Variants in ITPR2 observed in about 807,000 individuals in gnomAD.
ITPR2 encodes inositol 1,4,5-trisphosphate-gated calcium channel ITPR2.
ITPR2 carries 207 observed loss-of-function variants against 317.1 expected under a neutral mutation model. The ratio of observed to expected loss-of-function variants is 0.65; its 90% confidence interval spans 0.58 to 0.73. ITPR2 has a LOEUF of 0.73. Among genes scored for constraint, ITPR2 ranks in the 30% least tolerant of loss-of-function variants. The probability of loss-of-function intolerance (pLI) is 0.00; values close to 1 mark genes in which losing one functional copy is unlikely to be tolerated. For missense variants in ITPR2, 2,613 were observed against 3,284.0 expected (o/e 0.80, Z 4.99); for synonymous variants, 1,156 against 1,149.1 (o/e 1.01, Z -0.12).
At chr12:26,637,583 A>T (rs1946890951) in intron 21 of ITPR2, among the ~76,000 whole-genome samples, 2 of 152,174 alleles carry the variant, frequency 1.3e-5, no homozygotes, top group African/African-American at 4.8e-5. Flanking sequence ...ATTATATAAT[A>T]TGTGCAAAAA....
chr12:26,778,004 T>G (rs1019557469), intron 2 of ITPR2, among the ~76,000 whole-genome samples: 1 of 152,202 alleles, frequency 6.6e-6, no homozygotes, highest in Non-Finnish European at 1.5e-5. Context: ...TAAGGGCTTA[T>G]GGAGGTCAGG....
intron 52 of ITPR2, among the ~76,000 whole-genome samples, chr12:26,406,801 T>A (rs1322833621): frequency 6.6e-6 from 1 of 152,172 alleles, no homozygotes; most frequent in East Asian, 1.9e-4. Context: ...GCAGTCAAAA[T>A]TTAAAAGTGC....
At chr12:26,773,166 C>G (rs191835739) in intron 2 of ITPR2, among the ~76,000 whole-genome samples, 3 of 152,298 alleles carry the variant, frequency 2.0e-5, no homozygotes, top group Admixed American at 2.0e-4. Context: ...GTGATTTGAG[C>G]ATGCTGCTTC....
At chr12:26,609,784 A>G (rs1232324147) in intron 26 of ITPR2, among the ~76,000 whole-genome samples, 1 of 152,238 alleles carries the variant, frequency 6.6e-6, no homozygotes, top group East Asian at 1.9e-4. Flanking sequence ...CACATTCTGG[A>G]AGTATAATTG....
rs772334181 is a variant in ITPR2, at chr12:26,339,392, T to C, written c.*5A>G. On this transcript the variant is annotated 3_prime_UTR_variant, in exon 57 of 57. Coordinates refer to ENST00000381340, the MANE Select transcript of ITPR2 (RefSeq NM_002223.4). Reference sequence around the variant, plus strand: ...AAAGGCTAGTCACGGCTTCCCCCCATGGTATCAGTGTGGTGGCATGTGATG... The same window carrying C: ...AAAGGCTAGTCACGGCTTCCCCCCACGGTATCAGTGTGGTGGCATGTGATG... The C allele has an allele frequency of 1.9e-6, 3 of 1,611,518 alleles. No homozygotes were observed. Among genetic ancestry groups the C allele is most frequent in the Admixed American group, 1.7e-5 (1 of 59,978 alleles).
At chr12:26,686,401 A>G (rs897452147) in intron 11 of ITPR2, 80 bp downstream of exon 11, 33 of 883,824 alleles carry the variant, frequency 3.7e-5, no homozygotes, top group Admixed American at 1.3e-4. Context: ...TCATAAAAAT[A>G]TATTAATATT....
chr12:26,650,827 G>A lies in ITPR2; in HGVS notation c.2740+3149C>T, dbSNP rs1050013963. The stretch of plus-strand genomic sequence containing the variant: ...GTCTCACTAGTGAGATTCAGGCAGC[G>A]GAATTAATATAGACCCCTGCATGTC... On this transcript the variant is annotated intron_variant, in intron 21 of 56. Coordinates refer to ENST00000381340, the MANE Select transcript of ITPR2 (RefSeq NM_002223.4). 9.2e-5 allele frequency among the ~76,000 whole-genome samples: 14 copies of A among 152,100 alleles called. No homozygotes were observed. The East Asian group carries it at 9.6e-4, about 10-fold the overall frequency.
chr12:26,543,906 C>T lies in ITPR2; in HGVS notation c.5073+6341G>A, dbSNP rs936241769. ...GCCTGCTGTTGTTACGTTTAAAAAGCCTTCTAAATATGCCAACCCCAAAGG... is the reference window on the plus strand; with the variant it reads ...GCCTGCTGTTGTTACGTTTAAAAAGTCTTCTAAATATGCCAACCCCAAAGG... On this transcript the variant is annotated intron_variant, in intron 37 of 56. Coordinates refer to ENST00000381340, the MANE Select transcript of ITPR2 (RefSeq NM_002223.4). Among the ~76,000 whole-genome samples, 17 of 152,198 alleles carry T rather than the reference C, an allele frequency of 1.1e-4. 1 individual carries two copies. The highest frequency in any genetic ancestry group is 1.1e-3 in the Admixed American group (17 of 15,290).
At chr12:26,624,150 A>T (rs897033319) in intron 24 of ITPR2, 149 bp downstream of exon 24, 2 of 576,026 alleles carry the variant, frequency 3.5e-6, no homozygotes, top group South Asian at 2.5e-5. Flanking sequence ...AGAGTAAATT[A>T]GCAGCTTCAT....
At chr12:26,782,512 C>T (rs562911834) in intron 2 of ITPR2, among the ~76,000 whole-genome samples, 5 of 152,134 alleles carry the variant, frequency 3.3e-5, no homozygotes, top group African/African-American at 7.2e-5. Flanking sequence ...TGGCTTTATA[C>T]GACTAACAGG....
Position 26,658,088 on chromosome 12 carries a change from A to G in ITPR2, c.1929T>C (p.Thr643=), listed in dbSNP as rs377186981. 153 of 1,612,296 alleles carry G rather than the reference A, an allele frequency of 9.5e-5. No homozygotes were observed. The African/African-American group carries it at 1.8e-3, about 19-fold the overall frequency. The change falls in exon 17 of 57, where the codon ACT becomes ACC. Residue 643 remains threonine, a synonymous_variant. Coordinates refer to ENST00000381340, the MANE Select transcript of ITPR2 (RefSeq NM_002223.4). ...TGAGTTCTTGAGTTACAGGGATAGC[A>G]GTGGTATTAGACACACACAGATCTG... ...YLSDLCVSNT[T]AIPVTQELIC... is the part of the protein sequence containing the mutation.
intron 9 of ITPR2, among the ~76,000 whole-genome samples, chr12:26,696,668 G>T (rs1423018345): frequency 6.6e-6 from 1 of 152,194 alleles, no homozygotes; most frequent in African/African-American, 2.4e-5. Flanking sequence ...AAAGTAGATA[G>T]TTCTTGGGGA....
chr12:26,829,762 C>T (rs958484948), intron 1 of ITPR2, among the ~76,000 whole-genome samples: 1 of 152,120 alleles, frequency 6.6e-6, no homozygotes, highest in East Asian at 1.9e-4. Flanking sequence ...GAAGCAAGTA[C>T]CAGGAGGGAG....
At chr12:26,732,835 C>T (rs1174513131) in intron 2 of ITPR2, among the ~76,000 whole-genome samples, 1 of 152,124 alleles carries the variant, frequency 6.6e-6, no homozygotes, top group Admixed American at 6.5e-5. Flanking sequence ...ACTTAACAGC[C>T]CTAAATATCC....
chr12:26,769,625 A>G (rs1172971111), intron 2 of ITPR2, among the ~76,000 whole-genome samples: 1 of 152,220 alleles, frequency 6.6e-6, no homozygotes, highest in Non-Finnish European at 1.5e-5. Context: ...CTCACCTACC[A>G]TAAACCATAG....
intron 34 of ITPR2, among the ~76,000 whole-genome samples, chr12:26,575,049 G>C (rs1945244787): frequency 1.3e-5 from 2 of 151,474 alleles, no homozygotes; most frequent in East Asian, 3.9e-4. Flanking sequence ...GACGAATGGG[G>C]TGAGTTCAGA....
intron 34 of ITPR2, among the ~76,000 whole-genome samples, chr12:26,576,826 G>T (rs746676632): frequency 1.3e-5 from 2 of 152,226 alleles, no homozygotes; most frequent in African/African-American, 4.8e-5. Context: ...GTCCCTCGAA[G>T]TTCGTGTGTT....
At chr12:26,400,688 A>G (rs1171824692) in intron 52 of ITPR2, 1 of 152,440 alleles carries the variant, frequency 6.6e-6, no homozygotes, top group Admixed American at 6.5e-5. Context: ...AGCACAAAAC[A>G]TAAGGCTCAC....
intron 37 of ITPR2, among the ~76,000 whole-genome samples, chr12:26,543,961 G>A (rs1944326726): frequency 6.6e-6 from 1 of 152,138 alleles, no homozygotes; most frequent in South Asian, 2.1e-4. Flanking sequence ...TGTTAGGGTT[G>A]TTAGTTACAT....
Sources: gnomAD v4.1 joint callset for allele counts (sites outside exome capture counted in the v4.1 genomes callset) on GRCh38, gnomAD v4.1.1 for gene constraint, MANE v1.5 for transcripts, NCBI Gene and HGNC (gene_info 2026-07-23, HGNC 2026-07-21) for gene names.